CSMD1: variants seen among roughly 807,000 people sequenced by gnomAD.
CSMD1 encodes the protein CUB and sushi domain-containing protein 1.
In CSMD1, 213 loss-of-function variants were observed where a neutral mutation model predicts 417.5. That is an observed-to-expected ratio of 0.51 (90% confidence interval 0.46 to 0.57). CSMD1 has a LOEUF of 0.57. Among genes scored for constraint, CSMD1 ranks in the 20% least tolerant of loss-of-function variants. CSMD1 has a pLI of 0.00. For missense variants in CSMD1, 6,923 were observed against 4,529.7 expected (o/e 1.53, Z -15.17); for synonymous variants, 2,862 against 1,736.8 (o/e 1.65, Z -16.11).
chr8:3,267,739 G>A (rs1183043353), intron 26 of CSMD1, among the ~76,000 whole-genome samples: 1 of 152,160 alleles, frequency 6.6e-6, no homozygotes, highest in Non-Finnish European at 1.5e-5. Context: ...CGGTGGGTGG[G>A]GCACACTACA....
intron 1 of CSMD1, among the ~76,000 whole-genome samples, chr8:4,913,859 G>A (rs985785754): frequency 6.6e-6 from 1 of 152,162 alleles, no homozygotes; most frequent in Non-Finnish European, 1.5e-5. Flanking sequence ...CAGCTGTTAA[G>A]GGATATTATT....
At chr8:4,408,662 C>A (rs1015690074) in intron 3 of CSMD1, among the ~76,000 whole-genome samples, 2 of 152,082 alleles carry the variant, frequency 1.3e-5, no homozygotes, top group African/African-American at 4.8e-5. Flanking sequence ...TCAATTAAAT[C>A]AATAGTTCAT....
At chr8:4,436,813 T>G (rs1466707009) in intron 2 of CSMD1, among the ~76,000 whole-genome samples, 1 of 152,218 alleles carries the variant, frequency 6.6e-6, no homozygotes, top group African/African-American at 2.4e-5. Context: ...AACAATGATC[T>G]CCAGCTCTAG....
chr8:4,257,970 C>G (rs1251022688), intron 3 of CSMD1, among the ~76,000 whole-genome samples: 1 of 152,106 alleles, frequency 6.6e-6, no homozygotes, highest in African/African-American at 2.4e-5. Flanking sequence ...TCTGCTCAAG[C>G]TGCCATAAAA....
chr8:4,054,852 G>A (rs73500926), intron 3 of CSMD1, among the ~76,000 whole-genome samples: 1 of 152,146 alleles, frequency 6.6e-6, no homozygotes, highest in Non-Finnish European at 1.5e-5. Context: ...ACTGTTTGGA[G>A]AGAATGTATT....
chr8:3,432,591 C>A (rs1392019001), intron 12 of CSMD1, among the ~76,000 whole-genome samples: 1 of 142,322 alleles, frequency 7.0e-6, no homozygotes, highest in Non-Finnish European at 1.5e-5. Flanking sequence ...CTCACTGCAA[C>A]CTCAACTTCT....
chr8:3,751,882 T>C (rs1797360292), intron 6 of CSMD1, among the ~76,000 whole-genome samples: 1 of 152,236 alleles, frequency 6.6e-6, no homozygotes, highest in Middle Eastern at 3.2e-3. Context: ...AAGATCAATT[T>C]ACATTTTAGA....
At chr8:3,417,873 G>T (rs753569634) in intron 12 of CSMD1, among the ~76,000 whole-genome samples, 1 of 152,188 alleles carries the variant, frequency 6.6e-6, no homozygotes, top group South Asian at 2.1e-4. Flanking sequence ...CGGTATGGAC[G>T]TGGCACATGC....
At chr8:3,738,409 G>T (rs1482009147) in intron 6 of CSMD1, among the ~76,000 whole-genome samples, 1 of 152,172 alleles carries the variant, frequency 6.6e-6, no homozygotes, top group African/African-American at 2.4e-5. Context: ...ATGCATGGTG[G>T]TTGTCACACC....
intron 25 of CSMD1, among the ~76,000 whole-genome samples, chr8:3,306,276 C>T (rs892279552): frequency 1.3e-5 from 2 of 152,140 alleles, no homozygotes; most frequent in Non-Finnish European, 2.9e-5. Flanking sequence ...TTCATCCTTC[C>T]ACATCTTCTG....
intron 9 of CSMD1, among the ~76,000 whole-genome samples, chr8:3,578,939 G>A (rs892966097): frequency 3.3e-5 from 5 of 152,282 alleles, no homozygotes; most frequent in Middle Eastern, 3.4e-3. Flanking sequence ...ATCTGTAGAC[G>A]CACGTTTACA....
intron 39 of CSMD1, among the ~76,000 whole-genome samples, chr8:3,155,324 A>T (rs1484748255): frequency 7.4e-6 from 1 of 135,690 alleles, no homozygotes; most frequent in African/African-American, 2.7e-5. Context: ...CGTTTTTTAA[A>T]TTTTTTAATT....
intron 10 of CSMD1, among the ~76,000 whole-genome samples, chr8:3,563,893 A>C (rs1341273262): frequency 3.3e-5 from 5 of 152,174 alleles, no homozygotes; most frequent in Admixed American, 2.0e-4. Context: ...CGTCTCAAAA[A>C]AACAAAAACA....
chr8:4,272,676 A>G (rs1804680940), intron 3 of CSMD1, among the ~76,000 whole-genome samples: 1 of 152,184 alleles, frequency 6.6e-6, no homozygotes, highest in South Asian at 2.1e-4. Context: ...ACTGTAGATG[A>G]ACATAAAATA....
At chr8:2,982,951 G>T (rs639353) in intron 54 of CSMD1, among the ~76,000 whole-genome samples, 1,643 of 152,180 alleles carry the variant, frequency 0.011, 23 homozygotes, top group African/African-American at 0.038. Flanking sequence ...ATAAGAGTCT[G>T]GTGTCCTCTC....
rs568372519 is a variant in CSMD1 at position 4,971,661 on chromosome 8, C to T, written c.85+22671G>A. 4.2e-4 allele frequency among the ~76,000 whole-genome samples: 62 copies of T among 147,950 alleles called. No individual in the cohort carries two copies. In the South Asian group the frequency reaches 6.8e-3, roughly 16 times the overall value. Reference sequence around the variant, plus strand: ...GTATAGTCTTATTCTTACTTCCTTGCACACATATGACTGAGAACTATTCTG... The same window carrying T: ...GTATAGTCTTATTCTTACTTCCTTGTACACATATGACTGAGAACTATTCTG... On this transcript the variant is annotated intron_variant, in intron 1 of 69. Transcript: ENST00000635120.
At chr8:3,141,992 T>A (rs1408308215) in intron 41 of CSMD1, among the ~76,000 whole-genome samples, 1 of 151,972 alleles carries the variant, frequency 6.6e-6, no homozygotes, top group Non-Finnish European at 1.5e-5. Flanking sequence ...AGAGACGGGG[T>A]TTCACCGTGT....
intron 28 of CSMD1, among the ~76,000 whole-genome samples, chr8:3,222,985 G>C (rs1209089359): frequency 6.6e-6 from 1 of 152,168 alleles, no homozygotes; most frequent in Non-Finnish European, 1.5e-5. Flanking sequence ...CCAGATACTT[G>C]TCCTTGGATA....
chr8:4,077,465 A>C (rs58756231), intron 3 of CSMD1, among the ~76,000 whole-genome samples: 2,765 of 151,872 alleles, frequency 0.018, 93 homozygotes, highest in African/African-American at 0.064. Context: ...CATTACTCTT[A>C]AATGTCTAGT....
Sources: gnomAD v4.1 joint callset for allele counts (sites outside exome capture counted in the v4.1 genomes callset) on GRCh38, gnomAD v4.1.1 for gene constraint, MANE v1.5 for transcripts, NCBI Gene and HGNC (gene_info 2026-07-23, HGNC 2026-07-21) for gene names.